The following JAK2 variants were observed in gnomAD, a reference collection of about 807,000 sequenced individuals.
JAK2 encodes the protein tyrosine-protein kinase JAK2.
In JAK2, 86 loss-of-function variants were observed where a neutral mutation model predicts 139.3. The observed-to-expected ratio is 0.62, with a 90% CI of 0.52 to 0.74. The LOEUF is 0.74. Among genes scored for constraint, JAK2 ranks in the 30% least tolerant of loss-of-function variants. The pLI is 0.00. For missense variants in JAK2, 1,421 were observed against 1,360.3 expected (o/e 1.04, Z -0.70); for synonymous variants, 490 against 437.7 (o/e 1.12, Z -1.49).
chr9:5,052,236 T>G (rs1033867376), intron 6 of JAK2, among the ~76,000 whole-genome samples: 1 of 152,162 alleles, frequency 6.6e-6, no homozygotes, highest in Non-Finnish European at 1.5e-5. Context: ...ACAATCTTTC[T>G]ATGTAGATTG....
intron 12 of JAK2, among the ~76,000 whole-genome samples, chr9:5,071,677 G>A (rs1818958126): frequency 6.6e-6 from 1 of 152,152 alleles, no homozygotes; most frequent in Non-Finnish European, 1.5e-5. Context: ...AAGGCAAAAT[G>A]AGAAAGACCC....
chr9:5,119,587 A>G (rs1321890722), intron 22 of JAK2, among the ~76,000 whole-genome samples: 1 of 152,176 alleles, frequency 6.6e-6, no homozygotes, highest in Non-Finnish European at 1.5e-5. Flanking sequence ...CTCATTACTT[A>G]ATTTGCAATA....
At chr9:5,020,056 G>T (rs1220208976) in intron 2 of JAK2, among the ~76,000 whole-genome samples, 1 of 152,180 alleles carries the variant, frequency 6.6e-6, no homozygotes, top group Non-Finnish European at 1.5e-5. Flanking sequence ...GCAGTGATGG[G>T]CTGGGCAGCT....
At chr9:5,113,972 C>G (rs1564018507) in intron 22 of JAK2, 2 of 273,496 alleles carry the variant, frequency 7.3e-6, no homozygotes, top group East Asian at 2.2e-4. Flanking sequence ...CAGGTGCCAT[C>G]AGCATCACCT....
intron 4 of JAK2, chr9:5,042,090 G>T: frequency 4.3e-6 from 1 of 230,226 alleles, no homozygotes; most frequent in Non-Finnish European, 8.5e-6. Flanking sequence ...CGGGACGAGG[G>T]GTCACTTCCT....
chr9:5,042,808 G>A (rs1816698744), intron 4 of JAK2, among the ~76,000 whole-genome samples: 1 of 152,194 alleles, frequency 6.6e-6, no homozygotes, highest in African/African-American at 2.4e-5. Flanking sequence ...CGGAGGGGTG[G>A]GGCCGCGGCT....
At chr9:5,019,797 C>G (rs1480842206) in intron 2 of JAK2, among the ~76,000 whole-genome samples, 1 of 151,702 alleles carries the variant, frequency 6.6e-6, no homozygotes, top group Non-Finnish European at 1.5e-5. Context: ...ATTTTTTTTC[C>G]TTTGTAAACA....
chr9:5,113,937 C>A, intron 22 of JAK2: 1 of 252,010 alleles, frequency 4.0e-6, no homozygotes, highest in South Asian at 4.6e-5. Flanking sequence ...CCATCCAGTT[C>A]CTGTGCCTCA....
rs747652188 is a variant in JAK2, at chr9:5,078,318, C to T, written c.2005C>T (p.Leu669Phe). Residue 669 changes from leucine to phenylalanine, a missense_variant, in exon 16 of 25, where the codon CTT becomes TTT. Leu to Phe is a conservative substitution (Grantham distance 22, BLOSUM62 0). Transcript: ENST00000381652. ...WAMHFLEENT[L>F]IHGNVCAKNI... Reference sequence around the variant, plus strand: ...TTAACTCTAATAGGAAGAAAACACCCTTATTCATGGGAATGTATGTGCCAA... The same window carrying T: ...TTAACTCTAATAGGAAGAAAACACCTTTATTCATGGGAATGTATGTGCCAA... 4 of 1,611,722 alleles carry T rather than the reference C, an allele frequency of 2.5e-6. No individual in the cohort carries two copies. The highest frequency in any genetic ancestry group is 2.2e-5 in the East Asian group (1 of 44,740).
chr9:5,070,098 C>A (rs1337817687), intron 12 of JAK2, 46 bp downstream of exon 12: 2 of 1,386,412 alleles, frequency 1.4e-6, no homozygotes, highest in Non-Finnish European at 1.0e-6. Context: ...CCTTTTAAAA[C>A]AACATCTGTT....
chr9:5,123,539 T>G (rs1051805844), intron 23 of JAK2, among the ~76,000 whole-genome samples: 1 of 151,994 alleles, frequency 6.6e-6, no homozygotes, highest in Admixed American at 6.6e-5. Context: ...ATTTTCTTTA[T>G]CCAGTCATCC....
At chr9:5,037,883 A>C (rs552571563) in intron 4 of JAK2, among the ~76,000 whole-genome samples, 1 of 152,296 alleles carries the variant, frequency 6.6e-6, no homozygotes, top group South Asian at 2.1e-4. Context: ...GCAAATTGTA[A>C]AGATAGTTTC....
chr9:5,009,295 C>T (rs118028671), intron 2 of JAK2, among the ~76,000 whole-genome samples: 17 of 152,216 alleles, frequency 1.1e-4, no homozygotes, highest in East Asian at 9.6e-4. Context: ...AAAAATACTG[C>T]TTCATGATAA....
chr9:5,068,519 C>T (rs1291172219), intron 10 of JAK2, among the ~76,000 whole-genome samples: 1 of 152,066 alleles, frequency 6.6e-6, no homozygotes, highest in African/African-American at 2.4e-5. Flanking sequence ...AGGTTCATTG[C>T]TCAGAAGAAG....
chr9:5,008,690 G>C (rs1821483835), intron 2 of JAK2, among the ~76,000 whole-genome samples: 1 of 152,106 alleles, frequency 6.6e-6, no homozygotes, highest in African/African-American at 2.4e-5. Context: ...TGGATCCTTT[G>C]CTTTGATTTG....
At position 4,996,800 on chromosome 9, in the gene JAK2, A is replaced by C. The variant is rs1820591298; in HGVS notation, c.-26+10778A>C. On this transcript the variant is annotated intron_variant, in intron 2 of 24. Transcript: ENST00000381652. ...TTTAAAATTATTAGAAGTAAAATGA[A>C]ATATACCTCCATTGTAGTAAGTTTG... Among the ~76,000 whole-genome samples the C allele has an allele frequency of 3.9e-5, 6 of 152,126 alleles. No homozygotes were observed. In the South Asian group the frequency reaches 1.2e-3, roughly 32 times the overall value.
chr9:5,014,471 A>G (rs1821917918), intron 2 of JAK2, among the ~76,000 whole-genome samples: 1 of 152,174 alleles, frequency 6.6e-6, no homozygotes, highest in Admixed American at 6.5e-5. Context: ...CCTTCAAGAA[A>G]CTTTCATTCT....
intron 23 of JAK2, among the ~76,000 whole-genome samples, chr9:5,125,291 C>A (rs934647235): frequency 3.3e-5 from 5 of 150,948 alleles, no homozygotes; most frequent in Non-Finnish European, 5.9e-5. Flanking sequence ...TAAGGTCATA[C>A]TGTGCAGTTT....
chr9:5,042,165 T>G (rs569105421), intron 4 of JAK2, among the ~76,000 whole-genome samples: 15 of 147,326 alleles, frequency 1.0e-4, no homozygotes, highest in African/African-American at 2.5e-5. Flanking sequence ...GAGTCTCGCT[T>G]TGTCGCCCAG....
Sources: gnomAD v4.1 joint callset for allele counts (sites outside exome capture counted in the v4.1 genomes callset) on GRCh38, gnomAD v4.1.1 for gene constraint, MANE v1.5 for transcripts, NCBI Gene and HGNC (gene_info 2026-07-23, HGNC 2026-07-21) for gene names.